Variants in ZBBX observed in about 807,000 individuals in gnomAD.
ZBBX encodes zinc finger B-box domain containing.
A neutral mutation model predicts 108.5 loss-of-function variants in ZBBX; 101 were observed. The observed-to-expected ratio is 0.93, with a 90% CI of 0.79 to 1.10. The LOEUF is 1.10. Ranked by LOEUF, ZBBX falls within the 50% of genes least tolerant of loss-of-function variation. The probability of loss-of-function intolerance (pLI) is 0.00; values close to 1 mark genes in which losing one functional copy is unlikely to be tolerated. For synonymous variants in ZBBX, 356 were observed against 323.4 expected, an observed-to-expected ratio of 1.10 and a Z score of -1.08; for missense variants, 1,009 against 941.4, an observed-to-expected ratio of 1.07 and a Z score of -0.94.
At chr3:167,219,559 TA>T in the ZBBX span, among the ~76,000 whole-genome samples, 1 of 151,938 alleles carries the variant, frequency 6.6e-6, no homozygotes, top group South Asian at 2.1e-4. Flanking sequence ...AAAGAAATTT[TA>T]AAATGTCTTG....
At chr3:167,225,391 T>C in the ZBBX span, among the ~76,000 whole-genome samples, 1 of 151,902 alleles carries the variant, frequency 6.6e-6, no homozygotes, top group Non-Finnish European at 1.5e-5. Flanking sequence ...ACTAGGTTCC[T>C]AAATTATACA....
intron 20 of ZBBX, among the ~76,000 whole-genome samples, chr3:167,275,388 G>A (rs1334315981): frequency 6.6e-6 from 1 of 152,170 alleles, no homozygotes; most frequent in Non-Finnish European, 1.5e-5. Flanking sequence ...TCACTAGGGA[G>A]TGCCAGACAG....
rs1746215584 is a variant in ZBBX, at chr3:167,371,903, CAG to C, written c.68+929_68+930del. On this transcript the variant is annotated intron_variant, in intron 4 of 21. Coordinates refer to ENST00000675490, the MANE Select transcript of ZBBX (RefSeq NM_001199201.2). ...AACTATTGATCTGGATCAAAAAACT[CAG>C]AAACTCCAATTAAAAATGATAGTCT... Among the ~76,000 whole-genome samples, 2 of 152,122 alleles carry C rather than the reference CAG, an allele frequency of 1.3e-5. 1 individual carries two copies. The highest frequency in any genetic ancestry group is 4.1e-4 in the South Asian group (2 of 4,824).
Position 167,358,277 on chromosome 3 carries a change from A to C in ZBBX, c.432+1593T>G, listed in dbSNP as rs567834414. On this transcript the variant is annotated intron_variant, in intron 8 of 21. Transcript: ENST00000675490. ...ACTATGCTAAGCGAAATAAGCCAGT[A>C]ACTAAAAGGCAAATAGTGTATGATT... is the stretch of plus-strand genomic sequence containing the variant. Among the ~76,000 whole-genome samples, 14 of 152,244 alleles carry C rather than the reference A, an allele frequency of 9.2e-5. No homozygotes were observed. In the East Asian group the frequency reaches 2.1e-3, roughly 23 times the overall value.
At chr3:167,276,058 A>C (rs1247182820) in intron 20 of ZBBX, among the ~76,000 whole-genome samples, 1 of 152,204 alleles carries the variant, frequency 6.6e-6, no homozygotes, top group Admixed American at 6.5e-5. Context: ...ACAGACCTGC[A>C]GCTGAGGGTC....
the ZBBX span, among the ~76,000 whole-genome samples, chr3:167,202,175 G>A: frequency 6.6e-6 from 1 of 151,976 alleles, no homozygotes. Flanking sequence ...GTGAGAGAAG[G>A]GCTTGAACCT....
At chr3:167,242,425 T>C in intron 21 of ZBBX, 80 bp downstream of exon 21, 3 of 1,201,414 alleles carry the variant, frequency 2.5e-6, no homozygotes, top group Non-Finnish European at 3.5e-6. Flanking sequence ...TCTTTCTATA[T>C]ATAATAAAGA....
chr3:167,407,723 T>C (rs544904443), intron 1 of ZBBX, among the ~76,000 whole-genome samples: 1 of 152,228 alleles, frequency 6.6e-6, no homozygotes, highest in East Asian at 1.9e-4. Context: ...TTTTTGTCTT[T>C]ACCTTGAGTA....
At chr3:167,360,583 G>A (rs554883838) in intron 7 of ZBBX, 92 bp downstream of exon 7, 16 of 729,518 alleles carry the variant, frequency 2.2e-5, no homozygotes, top group African/African-American at 7.3e-5. Flanking sequence ...TATACTGCCC[G>A]GACAATTCTA....
intron 2 of ZBBX, among the ~76,000 whole-genome samples, chr3:167,376,369 T>C (rs1414316598): frequency 6.6e-6 from 1 of 152,188 alleles, no homozygotes; most frequent in Non-Finnish European, 1.5e-5. Flanking sequence ...TCTGATCATA[T>C]TCAGGGAATC....
intron 20 of ZBBX, among the ~76,000 whole-genome samples, chr3:167,252,664 C>G (rs758867430): frequency 6.6e-6 from 1 of 151,642 alleles, no homozygotes; most frequent in African/African-American, 2.4e-5. Context: ...CAGCAAAGCC[C>G]TGGCAGTTCA....
intron 20 of ZBBX, among the ~76,000 whole-genome samples, chr3:167,254,018 T>C (rs1028241967): frequency 6.6e-6 from 1 of 152,158 alleles, no homozygotes; most frequent in African/African-American, 2.4e-5. Context: ...GATTGGATCC[T>C]ATACCAGAAA....
At chr3:167,405,709 T>C (rs1352237905) in intron 1 of ZBBX, among the ~76,000 whole-genome samples, 3 of 152,252 alleles carry the variant, frequency 2.0e-5, no homozygotes, top group Non-Finnish European at 2.9e-5. Flanking sequence ...GGTAAGCTGG[T>C]ACCACCAATA....
chr3:167,381,399 C>G (rs148199601), upstream of ZBBX: 1 of 152,012 alleles, frequency 6.6e-6, no homozygotes, highest in Non-Finnish European at 1.5e-5. Flanking sequence ...TTAGTCCATA[C>G]GTAATGTAGT....
At chr3:167,181,779 G>A in the ZBBX span, among the ~76,000 whole-genome samples, 1 of 152,186 alleles carries the variant, frequency 6.6e-6, no homozygotes, top group Admixed American at 6.5e-5. Flanking sequence ...AATAACTCCT[G>A]TATGTACTTG....
chr3:167,268,262 C>T (rs958218998), intron 20 of ZBBX, among the ~76,000 whole-genome samples: 20 of 151,690 alleles, frequency 1.3e-4, no homozygotes, highest in African/African-American at 4.8e-4. Flanking sequence ...TCAAGTTGAT[C>T]AATCCCTGGG....
chr3:167,388,582 A>G (rs1462810415), intron 1 of ZBBX, among the ~76,000 whole-genome samples: 1 of 152,056 alleles, frequency 6.6e-6, no homozygotes, highest in Non-Finnish European at 1.5e-5. Context: ...CTACTATGAC[A>G]CGATCCGACA....
chr3:167,185,668 T>C, the ZBBX span, among the ~76,000 whole-genome samples: 1 of 152,154 alleles, frequency 6.6e-6, no homozygotes, highest in Non-Finnish European at 1.5e-5. Context: ...TAGCATTCTT[T>C]AATATCATTC....
chr3:167,326,488 A>G (rs1737397968), intron 11 of ZBBX, among the ~76,000 whole-genome samples: 1 of 152,140 alleles, frequency 6.6e-6, no homozygotes, highest in Admixed American at 6.6e-5. Context: ...ATGAAGAACA[A>G]ATTTTAAAAG....
Sources: gnomAD v4.1 joint callset for allele counts (sites outside exome capture counted in the v4.1 genomes callset) on GRCh38, gnomAD v4.1.1 for gene constraint, MANE v1.5 for transcripts, NCBI Gene and HGNC (gene_info 2026-07-23, HGNC 2026-07-21) for gene names.